Variants in DOK6 observed in about 807,000 individuals in gnomAD.
DOK6 encodes downstream of tyrosine kinase 6.
In DOK6, 22 loss-of-function variants were observed where a neutral mutation model predicts 44.0. That is an observed-to-expected ratio of 0.50 (90% CI 0.36 to 0.71). The LOEUF is 0.71. Among genes scored for constraint, DOK6 ranks in the 30% least tolerant of loss-of-function variants. The pLI is 0.00. For missense variants in DOK6, 340 were observed against 416.4 expected (o/e 0.82, Z 1.60); for synonymous variants, 166 against 145.5 (o/e 1.14, Z -1.01).
intron 7 of DOK6, among the ~76,000 whole-genome samples, chr18:69,798,335 C>T (rs1980807716): frequency 6.6e-6 from 1 of 152,006 alleles, no homozygotes; most frequent in African/African-American, 2.4e-5. Context: ...GGTAGGAGGG[C>T]AAAGTTCCAT....
chr18:69,824,612 T>C (rs1277473998), intron 7 of DOK6, among the ~76,000 whole-genome samples: 1 of 152,182 alleles, frequency 6.6e-6, no homozygotes, highest in Non-Finnish European at 1.5e-5. Context: ...CCTCCCACCT[T>C]GGCCTCCCAA....
intron 3 of DOK6, among the ~76,000 whole-genome samples, chr18:69,652,183 A>G (rs1230579200): frequency 1.3e-5 from 2 of 152,250 alleles, no homozygotes; most frequent in Non-Finnish European, 2.9e-5. Flanking sequence ...TCCATGAAAC[A>G]GAGAGGATTA....
intron 3 of DOK6, among the ~76,000 whole-genome samples, chr18:69,625,330 G>A (rs995113132): frequency 2.0e-5 from 3 of 152,104 alleles, no homozygotes; most frequent in African/African-American, 7.2e-5. Flanking sequence ...GAATTTGTCA[G>A]GGAAGTAAAT....
intron 1 of DOK6, among the ~76,000 whole-genome samples, chr18:69,492,634 C>T (rs575842946): frequency 5.9e-5 from 9 of 151,986 alleles, no homozygotes; most frequent in African/African-American, 2.2e-4. Flanking sequence ...CATGTGTAAT[C>T]GATCTTTAGC....
At chr18:69,751,992 C>A (rs1979196292) in intron 6 of DOK6, among the ~76,000 whole-genome samples, 1 of 151,866 alleles carries the variant, frequency 6.6e-6, no homozygotes, top group African/African-American at 2.4e-5. Context: ...GAAGCAAATG[C>A]TTTTATTAAA....
intron 1 of DOK6, among the ~76,000 whole-genome samples, chr18:69,408,192 C>T (rs1188450465): frequency 6.6e-6 from 1 of 152,108 alleles, no homozygotes; most frequent in Non-Finnish European, 1.5e-5. Context: ...TATATATAGA[C>T]AAGTTCAACA....
chr18:69,720,584 A>ACTAT (rs1986984543), intron 5 of DOK6, among the ~76,000 whole-genome samples: 1 of 152,170 alleles, frequency 6.6e-6, no homozygotes, highest in Non-Finnish European at 1.5e-5. Context: ...GTCTTCATCA[A>ACTAT]ATTTTTTGCC....
chr18:69,556,494 C>T (rs1982690634), intron 1 of DOK6, among the ~76,000 whole-genome samples: 1 of 152,246 alleles, frequency 6.6e-6, no homozygotes, highest in Non-Finnish European at 1.5e-5. Context: ...ATAAAAAAAG[C>T]TATTTACAAA....
intron 2 of DOK6, among the ~76,000 whole-genome samples, chr18:69,586,964 G>A (rs1436888754): frequency 6.6e-6 from 1 of 152,168 alleles, no homozygotes; most frequent in African/African-American, 2.4e-5. Context: ...AATGCCTTCA[G>A]GTGACACTGA....
intron 7 of DOK6, among the ~76,000 whole-genome samples, chr18:69,772,680 T>TA (rs1390865176): frequency 1.3e-5 from 2 of 151,964 alleles, no homozygotes; most frequent in African/African-American, 4.8e-5. Context: ...ACCCCTATCT[T>TA]ACACCATGCA....
At chr18:69,480,629 G>A (rs1054644804) in intron 1 of DOK6, among the ~76,000 whole-genome samples, 3 of 152,108 alleles carry the variant, frequency 2.0e-5, no homozygotes, top group African/African-American at 4.8e-5. Context: ...TTGAACACAA[G>A]GATATTGTGT....
intron 7 of DOK6, among the ~76,000 whole-genome samples, chr18:69,837,490 C>T (rs890487637): frequency 1.3e-5 from 2 of 150,102 alleles, no homozygotes; most frequent in African/African-American, 4.9e-5. Context: ...TATCAACACA[C>T]AAACTTTGGA....
Position 69,698,539 on chromosome 18 carries a change from G to C in DOK6, c.545G>C (p.Ser182Thr). Residue 182 changes from serine (S) to threonine (T), a missense_variant, in exon 5 of 8, where the codon AGC (serine) becomes ACC (threonine). Ser to Thr is a moderately conservative substitution (Grantham distance 58). This residue lies in a region of DOK6 where 206 missense variants were observed against 258.6 expected (regional missense o/e 0.80). Transcript: ENST00000382713. Reference sequence around the variant, plus strand: ...GTCAAACTGGTGATGTGGCCTCTCAGCTCACTGAGGAGATACGGTCGGGAC... The same window carrying C: ...GTCAAACTGGTGATGTGGCCTCTCACCTCACTGAGGAGATACGGTCGGGAC... Reference protein sequence around the residue: ...AKVKLVMWPLSSLRRYGRDST... With the variant: ...AKVKLVMWPLTSLRRYGRDST... The C allele has an allele frequency of 6.2e-7, 1 of 1,614,070 alleles. No homozygotes were observed. The highest frequency in any genetic ancestry group is 8.5e-7 in the Non-Finnish European group (1 of 1,179,952).
At chr18:69,824,222 T>A (rs1981671299) in intron 7 of DOK6, among the ~76,000 whole-genome samples, 2 of 112,886 alleles carry the variant, frequency 1.8e-5, no homozygotes, top group African/African-American at 3.3e-5. Flanking sequence ...CAGGCCCCGG[T>A]GTGTGATGTT....
intron 1 of DOK6, among the ~76,000 whole-genome samples, chr18:69,466,208 G>A (rs1324487234): frequency 2.6e-5 from 4 of 152,010 alleles, no homozygotes; most frequent in African/African-American, 7.2e-5. Flanking sequence ...ACCATCCTAC[G>A]CTGAGCATTT....
chr18:69,451,156 C>T (rs1469819848), intron 1 of DOK6, among the ~76,000 whole-genome samples: 1 of 149,004 alleles, frequency 6.7e-6, no homozygotes, highest in Non-Finnish European at 1.5e-5. Context: ...GTGCTGTATT[C>T]AGGAAACCCA....
intron 7 of DOK6, among the ~76,000 whole-genome samples, chr18:69,833,706 C>T (rs1981965777): frequency 6.6e-6 from 1 of 151,986 alleles, no homozygotes; most frequent in Admixed American, 6.6e-5. Flanking sequence ...ACTCAAACAA[C>T]TCAGTAGCAA....
intron 3 of DOK6, among the ~76,000 whole-genome samples, chr18:69,633,088 T>TA (rs1356272719): frequency 6.6e-6 from 1 of 152,248 alleles, no homozygotes. Context: ...TTTATGTATC[T>TA]ATGGCTTTCA....
In DOK6 at chr18:69,677,121, G is replaced by T. The variant is rs78182553; in HGVS notation, c.290-613G>T. 9.0e-3 allele frequency among the ~76,000 whole-genome samples: 1,369 copies of T among 152,192 alleles called. 10 individuals are homozygous for T. Among genetic ancestry groups the T allele is most frequent in the Non-Finnish European group, 0.015 (991 of 67,984 alleles). On this transcript the variant is annotated intron_variant, in intron 3 of 7. Transcript: ENST00000382713. ...AGAAAAATGATCACATTCTAGAGCT[G>T]ATTTATGATCCATTACAATTCAGAA...
Sources: gnomAD v4.1 joint callset for allele counts (sites outside exome capture counted in the v4.1 genomes callset) on GRCh38, gnomAD v4.1.1 for gene constraint, gnomAD v4.1.1 regional missense constraint, MANE v1.5 for transcripts, NCBI Gene and HGNC (gene_info 2026-07-23, HGNC 2026-07-21) for gene names.